The following GPSM2 variants were observed in gnomAD, a reference collection of about 807,000 sequenced individuals.
GPSM2 encodes the protein G protein-signaling modulator 2.
Under a neutral mutation model 78.4 loss-of-function variants are expected in GPSM2, and 58 were observed. The observed-to-expected ratio is 0.74, with a 90% confidence interval of 0.60 to 0.92. The LOEUF is 0.92. GPSM2 is among the 40% of genes least tolerant of loss of function. GPSM2 has a pLI of 0.00. For missense variants in GPSM2, 700 were observed against 815.5 expected, an observed-to-expected ratio of 0.86 and a Z score of 1.73; for synonymous variants, 224 against 280.2, an observed-to-expected ratio of 0.80 and a Z score of 2.00.
intron 12 of GPSM2, among the ~76,000 whole-genome samples, chr1:108,919,996 T>C (rs1650577566): frequency 6.6e-6 from 1 of 151,886 alleles, no homozygotes; most frequent in Non-Finnish European, 1.5e-5. Context: ...TAAAACCCTG[T>C]CTCTACCAAA....
At chr1:108,878,522 GACTT>G (rs1365977826) in intron 1 of GPSM2, among the ~76,000 whole-genome samples, 1 of 152,068 alleles carries the variant, frequency 6.6e-6, no homozygotes, top group African/African-American at 2.4e-5. Context: ...ATAGATCTGA[GACTT>G]GCTTACTAGA....
intron 2 of GPSM2, among the ~76,000 whole-genome samples, chr1:108,892,405 T>C (rs548946343): frequency 6.6e-6 from 1 of 152,180 alleles, no homozygotes; most frequent in East Asian, 1.9e-4. Flanking sequence ...AAAAGAAAAA[T>C]TGAAATGACA....
At chr1:108,909,265 G>C (rs761787009) in intron 10 of GPSM2, among the ~76,000 whole-genome samples, 5 of 152,112 alleles carry the variant, frequency 3.3e-5, no homozygotes, top group Non-Finnish European at 5.9e-5. Flanking sequence ...GAAAACCACT[G>C]CTTTAATGGA....
At position 108,898,941 on chromosome 1, in the gene GPSM2, T is replaced by C; in HGVS notation, c.744T>C (p.Leu248=). 2 of 1,612,710 alleles carry C rather than the reference T, an allele frequency of 1.2e-6. No individual in the cohort carries two copies. The highest frequency in any genetic ancestry group is 1.7e-6 in the Non-Finnish European group (2 of 1,178,734). Residue 248 remains leucine (L), a synonymous_variant, in exon 7 of 15, where the codon CTT becomes CTC. Coordinates refer to ENST00000264126, the MANE Select transcript of GPSM2 (RefSeq NM_013296.5). ...KAAERRAYSN[L]GNAYIFLGEF... ...CTGAAAGAAGAGCATATAGCAACCTTGGAAATGCATATATATTTCTTGGTG... is the reference window on the plus strand; with the variant it reads ...CTGAAAGAAGAGCATATAGCAACCTCGGAAATGCATATATATTTCTTGGTG...
chr1:108,898,560 A>T, intron 5 of GPSM2, 82 bp from the exon 6 acceptor site: 1 of 1,329,540 alleles, frequency 7.5e-7, no homozygotes, highest in Non-Finnish European at 1.1e-6. Flanking sequence ...TTTTTTTCTG[A>T]TAAAAAGAAT....
At position 108,896,018 on chromosome 1, in the gene GPSM2, C is replaced by T. The variant is rs140905718; in HGVS notation, c.57-846C>T. The stretch of plus-strand genomic sequence containing the variant: ...TTGCCAAATTACAGAAATAATTAAA[C>T]GAATAGGTAGTTCCTACATATGGCA... On this transcript the variant is annotated intron_variant, in intron 2 of 14. Coordinates refer to ENST00000264126, the MANE Select transcript of GPSM2 (RefSeq NM_013296.5). Among the ~76,000 whole-genome samples, 30 of 152,052 alleles carry T rather than the reference C, an allele frequency of 2.0e-4. No homozygotes were observed. The South Asian group carries it at 3.5e-3, about 18-fold the overall frequency.
chr1:108,899,029 G>T, intron 7 of GPSM2, 35 bp downstream of exon 7: 1 of 1,190,334 alleles, frequency 8.4e-7, no homozygotes, highest in South Asian at 1.2e-5. Context: ...AATGTAAAAT[G>T]AATACTCAGT....
Position 108,885,157 on chromosome 1 carries a change from T to G in GPSM2, c.-248-118T>G, listed in dbSNP as rs375263883. ...GTTAAGCCCTGTGCTATCTTCTGTA[T>G]TGATTGACATGACAGCAGTCTGCAG... On this transcript the variant is annotated intron_variant, in intron 1 of 14. Transcript: ENST00000264126. 1.6e-3 allele frequency: 282 copies of G among 174,632 alleles called. 1 individual carries two copies. Among genetic ancestry groups the G allele is most frequent in the African/African-American group, 6.3e-3 (265 of 42,250 alleles). The allele number at this position is 174,632 out of a possible 1,614,324, so 10.8% of individuals were successfully genotyped here.
intron 2 of GPSM2, among the ~76,000 whole-genome samples, chr1:108,887,453 G>A (rs911909946): frequency 2.2e-4 from 33 of 152,192 alleles, no homozygotes; most frequent in African/African-American, 8.0e-4. Context: ...CACCAAGTGC[G>A]ATGTCCCCAT....
In GPSM2 at chr1:108,900,490, C is replaced by T. The variant is rs143805226; in HGVS notation, c.798-1300C>T. Among the ~76,000 whole-genome samples the T allele has an allele frequency of 5.6e-3, 853 of 152,198 alleles. 11 individuals are homozygous for T. The highest frequency in any genetic ancestry group is 0.019 in the African/African-American group (806 of 41,540). On this transcript the variant is annotated intron_variant, in intron 7 of 14. Transcript: ENST00000264126. ...CTGACCTCAAGTGATCCGCCCACCTCAGCCTCCCAAAGTGCTGGGATTACA... is the reference window on the plus strand; with the variant it reads ...CTGACCTCAAGTGATCCGCCCACCTTAGCCTCCCAAAGTGCTGGGATTACA...
chr1:108,883,384 A>T (rs75018441), intron 1 of GPSM2, among the ~76,000 whole-genome samples: 45 of 152,358 alleles, frequency 3.0e-4, no homozygotes, highest in African/African-American at 9.6e-4. Flanking sequence ...GCTTTATTGT[A>T]TATGGCAGCA....
chr1:108,891,754 C>A (rs75089406), intron 2 of GPSM2, among the ~76,000 whole-genome samples: 32 of 151,778 alleles, frequency 2.1e-4, no homozygotes, highest in African/African-American at 5.8e-4. Flanking sequence ...ATCCACCCCC[C>A]CTTAGCCTCC....
Position 108,924,113 on chromosome 1 carries a change from C to T in GPSM2, c.1714C>T (p.Leu572Phe). 6.2e-7 allele frequency: 1 copy of T among 1,613,404 alleles called. No homozygotes were observed. ...GGCTAGTTTCAGTAATTTGCCAGGG[C>T]TTCGTCTAACACAAAACAGCCAGTC... Reference protein sequence around the residue: ...QRASFSNLPGLRLTQNSQSVL... With the variant: ...QRASFSNLPGFRLTQNSQSVL... The change falls in exon 14 of 15, where the codon CTT becomes TTT. Residue 572 changes from leucine (L) to phenylalanine (F), a missense_variant. By Grantham distance (22) the Leu-to-Phe change is conservative. Transcript: ENST00000264126.
rs189807141 is a variant in GPSM2 at position 108,931,538 on chromosome 1, G to T, written c.*1598G>T. The T allele has an allele frequency of 2.0e-6, 3 of 1,508,598 alleles. No homozygotes were observed. The East Asian group carries it at 7.6e-5, about 38-fold the overall frequency. 93.5% of individuals were successfully genotyped at this position (1,508,598 alleles called of 1,614,324 possible). ...CCTATTCTTTCAAAAAGTCATTCAGGTGATTTGGATGGGCAAATAGAACTA... is the reference window on the plus strand; with the variant it reads ...CCTATTCTTTCAAAAAGTCATTCAGTTGATTTGGATGGGCAAATAGAACTA... On this transcript the variant is annotated 3_prime_UTR_variant, in exon 15 of 15. Transcript: ENST00000264126.
At chr1:108,898,275 CA>C (rs2101407508) in intron 5 of GPSM2, among the ~76,000 whole-genome samples, 174 bp downstream of exon 5, 1 of 152,340 alleles carries the variant, frequency 6.6e-6, no homozygotes, top group Admixed American at 6.5e-5. Context: ...TAGTAATCTG[CA>C]GCTTTCATTT....
chr1:108,894,298 T>A (rs1279120905), intron 2 of GPSM2, among the ~76,000 whole-genome samples: 1 of 152,232 alleles, frequency 6.6e-6, no homozygotes, highest in Non-Finnish European at 1.5e-5. Context: ...TAACTGCTTA[T>A]CTTACTATGT....
At chr1:108,881,164 G>A (rs1268441012) in intron 1 of GPSM2, among the ~76,000 whole-genome samples, 1 of 152,152 alleles carries the variant, frequency 6.6e-6, no homozygotes, top group Non-Finnish European at 1.5e-5. Flanking sequence ...CAATTCCCGG[G>A]ATATGGAAAA....
At chr1:108,885,119 C>T (rs541909418) in intron 1 of GPSM2, among the ~76,000 whole-genome samples, 156 bp from the exon 2 acceptor site, 18 of 152,238 alleles carry the variant, frequency 1.2e-4, no homozygotes, top group Non-Finnish European at 2.2e-4. Context: ...TATTTAGAAG[C>T]TCCATGATGA....
chr1:108,885,393 T>A lies in GPSM2; in HGVS notation c.-130T>A. 1.7e-6 allele frequency: 1 copy of A among 590,506 alleles called. No homozygotes were observed. The highest frequency in any genetic ancestry group is 3.0e-6 in the Non-Finnish European group (1 of 332,170). 36.6% of individuals were successfully genotyped at this position (590,506 alleles called of 1,614,324 possible). ...TTATTAATAAAGAAGAATCAGGAGC[T>A]TAGGATGTATTAACACCAACTCATT... is the stretch of plus-strand genomic sequence containing the variant. On this transcript the variant is annotated 5_prime_UTR_variant, in exon 2 of 15. Coordinates refer to ENST00000264126, the MANE Select transcript of GPSM2 (RefSeq NM_013296.5).
Sources: gnomAD v4.1 joint callset for allele counts (sites outside exome capture counted in the v4.1 genomes callset) on GRCh38, gnomAD v4.1.1 for gene constraint, MANE v1.5 for transcripts, NCBI Gene and HGNC (gene_info 2026-07-23, HGNC 2026-07-21) for gene names.